SUDS3: variants seen among roughly 807,000 people sequenced by gnomAD.
SUDS3 encodes the protein sin3 histone deacetylase corepressor complex component SDS3.
A neutral mutation model predicts 53.5 loss-of-function variants in SUDS3; 23 were observed. That is an observed-to-expected ratio of 0.43 (90% confidence interval 0.31 to 0.61). SUDS3 has a LOEUF of 0.61. Ranked by LOEUF, SUDS3 falls within the 20% of genes least tolerant of loss-of-function variation. SUDS3 has a pLI of 0.10. For synonymous variants in SUDS3, 150 were observed against 148.5 expected (o/e 1.01, Z -0.08); for missense variants, 291 against 405.9 (o/e 0.72, Z 2.43).
At chr12:118,413,820 C>T (rs139207382) in intron 11 of SUDS3, among the ~76,000 whole-genome samples, 1 of 152,184 alleles carries the variant, frequency 6.6e-6, no homozygotes, top group Non-Finnish European at 1.5e-5. Flanking sequence ...TGGGCCTTAG[C>T]TCATTAGTGG....
intron 5 of SUDS3, among the ~76,000 whole-genome samples, chr12:118,390,758 C>T (rs1014341466): frequency 1.3e-5 from 2 of 152,188 alleles, no homozygotes; most frequent in Admixed American, 1.3e-4. Flanking sequence ...TTTTGTCTTG[C>T]TGTATCAAAA....
intron 6 of SUDS3, among the ~76,000 whole-genome samples, chr12:118,395,609 C>A (rs1480111610): frequency 6.6e-6 from 1 of 152,080 alleles, no homozygotes; most frequent in African/African-American, 2.4e-5. Flanking sequence ...TTCATAATGG[C>A]CAACTTTGGC....
intron 6 of SUDS3, among the ~76,000 whole-genome samples, chr12:118,396,679 A>G (rs2046218352): frequency 1.3e-5 from 2 of 152,240 alleles, no homozygotes; most frequent in Admixed American, 1.3e-4. Context: ...GCCGTTGTAC[A>G]CTATAGGCAG....
intron 4 of SUDS3, among the ~76,000 whole-genome samples, chr12:118,387,529 CAG>C (rs2046125788): frequency 6.6e-6 from 1 of 151,834 alleles, no homozygotes. Context: ...TCATTCTGCT[CAG>C]ACTCTCAATC....
rs779214765 is a variant in SUDS3 at position 118,389,959 on chromosome 12, G to A, written c.360+13G>A. The A allele has an allele frequency of 6.2e-6, 10 of 1,614,008 alleles. No individual in the cohort carries two copies. The South Asian group carries it at 1.1e-4, about 18-fold the overall frequency. On this transcript the variant is annotated intron_variant, in intron 5 of 11. Transcript: ENST00000543473. Reference sequence around the variant, plus strand: ...CCTCCAGCTGGAAGTAAGTACCACGGATCTTCTGGGTTTGCAGGCCCTGTC... The same window carrying A: ...CCTCCAGCTGGAAGTAAGTACCACGAATCTTCTGGGTTTGCAGGCCCTGTC...
chr12:118,410,299 C>T (rs536657562), intron 10 of SUDS3, among the ~76,000 whole-genome samples: 46 of 152,294 alleles, frequency 3.0e-4, no homozygotes, highest in African/African-American at 8.9e-4. Context: ...AAATAAATAA[C>T]GGTGGCTTAT....
chr12:118,387,583 ACT>A (rs2046126737), intron 4 of SUDS3, among the ~76,000 whole-genome samples: 1 of 149,916 alleles, frequency 6.7e-6, no homozygotes, highest in Non-Finnish European at 1.5e-5. Flanking sequence ...ACAGAGTCTC[ACT>A]CTGTCACCCA....
intron 6 of SUDS3, among the ~76,000 whole-genome samples, chr12:118,399,488 T>A (rs1396526653): frequency 1.3e-5 from 2 of 151,634 alleles, no homozygotes; most frequent in Admixed American, 6.6e-5. Flanking sequence ...GGTGAGAGAG[T>A]GAGGCCCTGT....
At chr12:118,395,088 TCAAGA>T (rs1280723294) in intron 6 of SUDS3, among the ~76,000 whole-genome samples, 6 of 152,012 alleles carry the variant, frequency 3.9e-5, no homozygotes, top group South Asian at 2.1e-4. Flanking sequence ...TATTTGGGTG[TCAAGA>T]CAAGAGGAAG....
chr12:118,403,647 T>A, intron 10 of SUDS3, 130 bp downstream of exon 10: 1 of 702,964 alleles, frequency 1.4e-6, no homozygotes, highest in East Asian at 2.7e-5. Context: ...TAGAAACCCA[T>A]TAAAAAATGT....
chr12:118,404,820 T>C (rs900076078), intron 10 of SUDS3, among the ~76,000 whole-genome samples: 1 of 152,226 alleles, frequency 6.6e-6, no homozygotes, highest in African/African-American at 2.4e-5. Flanking sequence ...ATTGGGGTAA[T>C]GATTATTTAT....
chr12:118,396,514 C>A (rs189462409), intron 6 of SUDS3, among the ~76,000 whole-genome samples: 9 of 152,336 alleles, frequency 5.9e-5, no homozygotes, highest in South Asian at 2.1e-4. Flanking sequence ...TTGGCCCCCC[C>A]AAAGTGCTGG....
chr12:118,388,375 C>T (rs995815071), intron 4 of SUDS3, among the ~76,000 whole-genome samples: 8 of 152,106 alleles, frequency 5.3e-5, no homozygotes, highest in African/African-American at 1.9e-4. Context: ...TGCAAAGGGG[C>T]CCCTGGTAGA....
At chr12:118,407,264 G>A (rs756607967) in intron 10 of SUDS3, among the ~76,000 whole-genome samples, 2 of 152,182 alleles carry the variant, frequency 1.3e-5, no homozygotes, top group Non-Finnish European at 2.9e-5. Context: ...TAGGGATAAT[G>A]GTTCCCCCAA....
Position 118,416,326 on chromosome 12 carries a change from G to A in SUDS3, c.*1893G>A, listed in dbSNP as rs2046400282. 1 of 152,116 alleles carries A rather than the reference G, an allele frequency of 6.6e-6. No homozygotes were observed. Among genetic ancestry groups the A allele is most frequent in the South Asian group, 2.1e-4 (1 of 4,832 alleles). The allele number at this position is 152,116 out of a possible 1,614,324, so 9.4% of individuals were successfully genotyped here. On this transcript the variant is annotated 3_prime_UTR_variant, in exon 12 of 12. Coordinates refer to ENST00000543473, the MANE Select transcript of SUDS3 (RefSeq NM_022491.3). ...AAGTTTGTTTTTATAGTTGAGGATT[G>A]TATTGATAACCACTGGGGTTCCGCA...
At chr12:118,406,554 T>C (rs2046310209) in intron 10 of SUDS3, among the ~76,000 whole-genome samples, 1 of 152,236 alleles carries the variant, frequency 6.6e-6, no homozygotes, top group African/African-American at 2.4e-5. Flanking sequence ...GGTTCAAAGC[T>C]TTAAGAACTT....
chr12:118,396,157 G>A (rs1014546056), intron 6 of SUDS3, among the ~76,000 whole-genome samples: 3 of 152,142 alleles, frequency 2.0e-5, no homozygotes, highest in African/African-American at 7.2e-5. Context: ...CTGGTTTGGA[G>A]GTAATTGCCA....
chr12:118,382,453 T>C (rs2046074926), intron 2 of SUDS3, among the ~76,000 whole-genome samples: 2 of 149,772 alleles, frequency 1.3e-5, no homozygotes, highest in African/African-American at 4.9e-5. Flanking sequence ...TCTCAACCTC[T>C]GGGGCTCAAT....
chr12:118,389,868 C>A, intron 4 of SUDS3, 59 bp from the exon 5 acceptor site: 1 of 1,602,442 alleles, frequency 6.2e-7, no homozygotes, highest in Non-Finnish European at 8.5e-7. Flanking sequence ...ATGCTAACAT[C>A]ACTGTCTAGA....
Sources: gnomAD v4.1 joint callset for allele counts (sites outside exome capture counted in the v4.1 genomes callset) on GRCh38, gnomAD v4.1.1 for gene constraint, MANE v1.5 for transcripts, NCBI Gene and HGNC (gene_info 2026-07-23, HGNC 2026-07-21) for gene names.